Variants in MAEA observed in about 807,000 individuals in gnomAD.
MAEA encodes the protein E3 ubiquitin-protein transferase MAEA.
In MAEA, 22 loss-of-function variants were observed where a neutral mutation model predicts 46.2. That is an observed-to-expected ratio of 0.48 (90% CI 0.34 to 0.68). MAEA has a LOEUF of 0.68. MAEA is among the 30% of genes least tolerant of loss of function. The pLI is 0.01. For synonymous variants in MAEA, 246 were observed against 222.6 expected, an observed-to-expected ratio of 1.11 and a Z score of -0.94; for missense variants, 393 against 558.1, an observed-to-expected ratio of 0.70 and a Z score of 2.98.
intron 6 of MAEA, among the ~76,000 whole-genome samples, chr4:1,336,287 A>G (rs979598524): frequency 1.3e-5 from 2 of 151,856 alleles, no homozygotes; most frequent in African/African-American, 4.8e-5. Flanking sequence ...CTGGCCTCAC[A>G]GCGTGTTGAA....
intron 1 of MAEA, among the ~76,000 whole-genome samples, chr4:1,291,069 G>C (rs1734060214): frequency 6.6e-6 from 1 of 152,212 alleles, no homozygotes; most frequent in African/African-American, 2.4e-5. Context: ...CCCTGCTACA[G>C]TTAGCGCTGC....
chr4:1,311,848 T>C lies in MAEA; in HGVS notation c.70-131T>C, dbSNP rs775249352. On this transcript the variant is annotated intron_variant, in intron 1 of 8. Transcript: ENST00000303400. This position sits in a 1 kb window ranked among gnomAD's most constrained non-coding sequence, Gnocchi z 4.4. ...TTGGTTGAGGTTTAGAGTAGATACT[T>C]TTGAGACCATGAACCTTCTGAGACT... is the stretch of plus-strand genomic sequence containing the variant. 10 of 778,076 alleles carry C rather than the reference T, an allele frequency of 1.3e-5. No homozygotes were observed. Among genetic ancestry groups the C allele is most frequent in the Middle Eastern group, 2.9e-4 (1 of 3,476 alleles). The allele number at this position is 778,076 out of a possible 1,614,324, so 48.2% of individuals were successfully genotyped here. A position where few individuals can be genotyped will look rare whatever the true frequency, so the allele number is the denominator to read the frequency against.
chr4:1,337,148 C>T (rs1028058735), intron 7 of MAEA, 154 bp downstream of exon 7: 12 of 904,478 alleles, frequency 1.3e-5, no homozygotes, highest in East Asian at 1.0e-4. Flanking sequence ...TCTGGATGGT[C>T]GGGGTGGGGC....
Position 1,311,800 on chromosome 4 carries a change from G to A in MAEA, c.70-179G>A, listed in dbSNP as rs766659337. Among the ~76,000 whole-genome samples, 6 of 152,348 alleles carry A rather than the reference G, an allele frequency of 3.9e-5. No homozygotes were observed. Among genetic ancestry groups the A allele is most frequent in the Admixed American group, 6.5e-5 (1 of 15,308 alleles). ...ATCCAGGGATGTGGAGTGGCTCTCC[G>A]TTCAGCAGGGCTTTTGTGGGTCTTG... On this transcript the variant is annotated intron_variant, in intron 1 of 8. Transcript: ENST00000303400. This position sits in a 1 kb window ranked among gnomAD's most constrained non-coding sequence, Gnocchi z 4.4.
At position 1,322,369 on chromosome 4, in the gene MAEA, C is replaced by A; in HGVS notation, c.457-12C>A. 1 of 1,613,598 alleles carries A rather than the reference C, an allele frequency of 6.2e-7. No homozygotes were observed. Among genetic ancestry groups the A allele is most frequent in the Non-Finnish European group, 8.5e-7 (1 of 1,179,750 alleles). ...AGCACATTCTGATCAGGTGCTGCTT[C>A]CTTCCTCTAAGGACCTAGTGAATAT... On this transcript the variant is annotated splice_polypyrimidine_tract_variant and intron_variant, in intron 3 of 8. Coordinates refer to ENST00000303400, the MANE Select transcript of MAEA (RefSeq NM_001017405.3).
At chr4:1,318,860 A>G (rs753190736) in intron 3 of MAEA, among the ~76,000 whole-genome samples, 72 of 152,176 alleles carry the variant, frequency 4.7e-4, no homozygotes, top group Non-Finnish European at 5.0e-4. Context: ...AAATAACCTC[A>G]TGCTCTGGAT....
intron 7 of MAEA, chr4:1,337,838 C>T (rs527792849): frequency 6.3e-5 from 11 of 173,862 alleles, no homozygotes; most frequent in Non-Finnish European, 1.0e-4. Flanking sequence ...CTGACTCTGT[C>T]CCCACCTGTG....
At chr4:1,316,973 GCCCCACAC>G (rs1560356900) in intron 3 of MAEA, among the ~76,000 whole-genome samples, 210 of 117,700 alleles carry the variant, frequency 1.8e-3, no homozygotes, top group Non-Finnish European at 2.8e-3. Context: ...GCCCACCACG[GCCCCACAC>G]TCTAGACTCA....
At chr4:1,305,190 C>T (rs1410501051) in intron 1 of MAEA, among the ~76,000 whole-genome samples, 1 of 152,074 alleles carries the variant, frequency 6.6e-6, no homozygotes, top group Non-Finnish European at 1.5e-5. Flanking sequence ...TGCGGTTTGC[C>T]CAGTTCACAG....
At chr4:1,310,934 C>T (rs1453659412) in intron 1 of MAEA, among the ~76,000 whole-genome samples, 2 of 152,262 alleles carry the variant, frequency 1.3e-5, no homozygotes, top group African/African-American at 2.4e-5. Context: ...GAAGCCCAAG[C>T]GCTGAGCTGC....
intron 1 of MAEA, chr4:1,309,981 G>A (rs1300776150): frequency 2.5e-5 from 31 of 1,243,394 alleles, no homozygotes; most frequent in South Asian, 3.2e-5. Context: ...TTCTGGTGGC[G>A]GTCTGGAATG....
chr4:1,322,586 G>C, intron 4 of MAEA, 83 bp downstream of exon 4: 1 of 1,561,622 alleles, frequency 6.4e-7, no homozygotes. Context: ...CCCCTTGCCT[G>C]GTGGTTCACA....
chr4:1,322,373 C>T lies in MAEA; in HGVS notation c.457-8C>T. The T allele has an allele frequency of 6.2e-7, 1 of 1,613,620 alleles. No individual in the cohort carries two copies. The highest frequency in any genetic ancestry group is 1.1e-5 in the South Asian group (1 of 91,058). The stretch of plus-strand genomic sequence containing the variant: ...CATTCTGATCAGGTGCTGCTTCCTT[C>T]CTCTAAGGACCTAGTGAATATTGAG... On this transcript the variant is annotated splice_region_variant and splice_polypyrimidine_tract_variant and intron_variant, in intron 3 of 8. Transcript: ENST00000303400.
chr4:1,294,753 A>T (rs1464653911), intron 1 of MAEA, among the ~76,000 whole-genome samples: 1 of 138,660 alleles, frequency 7.2e-6, no homozygotes. Context: ...GATCCTTTAA[A>T]GACGCTGATG....
chr4:1,329,924 A>T, intron 5 of MAEA: 1 of 985,544 alleles, frequency 1.0e-6, no homozygotes, highest in Non-Finnish European at 1.2e-6. Context: ...CTCACGGTCC[A>T]CATGGCGCTG....
intron 1 of MAEA, among the ~76,000 whole-genome samples, chr4:1,295,649 C>T (rs1734561614): frequency 6.7e-6 from 1 of 148,648 alleles, no homozygotes; most frequent in Non-Finnish European, 1.5e-5. Context: ...TACCTGTACC[C>T]CCCTCACCCG....
chr4:1,304,864 A>G (rs1364593599), intron 1 of MAEA, among the ~76,000 whole-genome samples: 1 of 152,154 alleles, frequency 6.6e-6, no homozygotes, highest in East Asian at 1.9e-4. Flanking sequence ...AAACTCTACA[A>G]ATGTGTCTCA....
At chr4:1,324,585 G>T (rs1738563846) in intron 4 of MAEA, among the ~76,000 whole-genome samples, 1 of 146,240 alleles carries the variant, frequency 6.8e-6, no homozygotes, top group African/African-American at 2.5e-5. Context: ...AGTTGAGGTT[G>T]GATGAGTGTG....
At chr4:1,290,519 C>G (rs1371228559) in intron 1 of MAEA, among the ~76,000 whole-genome samples, 2 of 152,226 alleles carry the variant, frequency 1.3e-5, no homozygotes, top group African/African-American at 4.8e-5. Context: ...GTTGCGTGAC[C>G]TTGGGTGGTC....
Sources: gnomAD v4.1 joint callset for allele counts (sites outside exome capture counted in the v4.1 genomes callset) on GRCh38, gnomAD v4.1.1 for gene constraint, Gnocchi (gnomAD v3.1) non-coding constraint, MANE v1.5 for transcripts, NCBI Gene and HGNC (gene_info 2026-07-23, HGNC 2026-07-21) for gene names.